The following TPO variants were observed in gnomAD, a reference collection of about 807,000 sequenced individuals.
TPO encodes the protein thyroid microsomal antigen.
A neutral mutation model predicts 96.9 loss-of-function variants in TPO; 78 were observed. The ratio of observed to expected loss-of-function variants is 0.81; its 90% CI spans 0.67 to 0.97. The LOEUF (loss-of-function observed/expected upper bound fraction) is 0.97, where lower values mean the gene tolerates loss of function less well. Ranked by LOEUF, TPO falls within the 50% of genes least tolerant of loss-of-function variation. The pLI, the probability that TPO is intolerant of heterozygous loss-of-function variation, is 0.00. For missense variants in TPO, 1,252 were observed against 1,274.8 expected, an observed-to-expected ratio of 0.98 and a Z score of 0.27; for synonymous variants, 547 against 538.0, an observed-to-expected ratio of 1.02 and a Z score of -0.23.
At chr2:1,483,675 C>A (rs572768464) in intron 8 of TPO, among the ~76,000 whole-genome samples, 1 of 152,178 alleles carries the variant, frequency 6.6e-6, no homozygotes, top group Non-Finnish European at 1.5e-5. Flanking sequence ...AGCACAGGGA[C>A]GGAAACCCCA....
At chr2:1,460,786 G>A (rs1229043062) in intron 7 of TPO, among the ~76,000 whole-genome samples, 3 of 152,154 alleles carry the variant, frequency 2.0e-5, no homozygotes, top group Non-Finnish European at 4.4e-5. Flanking sequence ...GCTGCACTGA[G>A]AGAACTACTC....
At chr2:1,408,015 G>T (rs941213367) in intron 1 of TPO, among the ~76,000 whole-genome samples, 1 of 152,202 alleles carries the variant, frequency 6.6e-6, no homozygotes, top group Admixed American at 6.5e-5. Context: ...CTACTAGAAG[G>T]CTCTTGAATG....
At chr2:1,437,836 G>T (rs1335048221) in intron 5 of TPO, among the ~76,000 whole-genome samples, 5 of 83,044 alleles carry the variant, frequency 6.0e-5, no homozygotes, top group African/African-American at 2.6e-4. Flanking sequence ...CCTGAAGCCT[G>T]GGGGGGGGTC....
intron 1 of TPO, among the ~76,000 whole-genome samples, chr2:1,394,838 G>A (rs1362243754): frequency 1.3e-5 from 2 of 152,154 alleles, no homozygotes; most frequent in African/African-American, 4.8e-5. Context: ...AGCCGCATTG[G>A]ATGGGCCATG....
At chr2:1,377,984 T>C (rs1048880478) in intron 1 of TPO, among the ~76,000 whole-genome samples, 1 of 152,114 alleles carries the variant, frequency 6.6e-6, no homozygotes, top group African/African-American at 2.4e-5. Flanking sequence ...TGGGGTGGTT[T>C]CCCCGATACT....
chr2:1,537,474 ATTCTTCCACTCTGTGCAGCC>A (rs1558441395), intron 15 of TPO, among the ~76,000 whole-genome samples: 47 of 116,518 alleles, frequency 4.0e-4, no homozygotes, highest in Middle Eastern at 4.4e-3. Flanking sequence ...ACCTCCTCAA[ATTCTTCCACTCTGTGCAGCC>A]TCCCCAAATC....
chr2:1,379,099 G>T (rs1573050163), intron 1 of TPO, among the ~76,000 whole-genome samples: 1 of 152,260 alleles, frequency 6.6e-6, no homozygotes, highest in African/African-American at 2.4e-5. Context: ...AAGGTCAGGA[G>T]CTCAAGATCA....
intron 15 of TPO, among the ~76,000 whole-genome samples, chr2:1,530,135 G>T (rs112916161): frequency 2.3e-5 from 1 of 43,972 alleles, no homozygotes; most frequent in Non-Finnish European, 3.9e-5. Flanking sequence ...GCGCAACCTC[G>T]CAAAATCTCC....
At chr2:1,537,995 C>T (rs1394277296) in intron 15 of TPO, among the ~76,000 whole-genome samples, 1 of 85,284 alleles carries the variant, frequency 1.2e-5, no homozygotes, top group Non-Finnish European at 2.1e-5. Context: ...CTCTGTGCAA[C>T]CCCCCCAAAT....
intron 9 of TPO, among the ~76,000 whole-genome samples, chr2:1,485,561 C>T (rs1338003748): frequency 6.6e-6 from 1 of 151,660 alleles, no homozygotes; most frequent in Non-Finnish European, 1.5e-5. Context: ...TCCTCTCCAG[C>T]ATCTATTGTT....
At position 1,496,631 on chromosome 2, in the gene TPO, G is replaced by T. The variant is rs756126143; in HGVS notation, c.2252G>T (p.Gly751Val). ...KCGFPESVEN[G>V]DFVHCEESGR... ...GGCTTCCCAGAGAGCGTGGAGAATG[G>T]GGACTTTGTGCACTGTGAGGAGTCT... The change falls in exon 13 of 17, where the codon GGG (glycine) becomes GTG (valine). Residue 751 changes from glycine (G) to valine (V), a missense_variant. By Grantham distance (109) the Gly-to-Val change is moderately radical. Coordinates refer to ENST00000329066, the MANE Select transcript of TPO (RefSeq NM_001206744.2). 2 of 1,613,744 alleles carry T rather than the reference G, an allele frequency of 1.2e-6. No individual in the cohort carries two copies. Among genetic ancestry groups the T allele is most frequent in the Non-Finnish European group, 1.7e-6 (2 of 1,179,976 alleles).
chr2:1,512,868 C>G (rs891400559), intron 14 of TPO, among the ~76,000 whole-genome samples: 9 of 152,210 alleles, frequency 5.9e-5, no homozygotes, highest in Non-Finnish European at 1.2e-4. Context: ...CTTCCCCCAC[C>G]ACCAGCACCC....
chr2:1,444,125 G>A, intron 5 of TPO, among the ~76,000 whole-genome samples: 2 of 140,106 alleles, frequency 1.4e-5, no homozygotes, highest in Admixed American at 7.1e-5. Flanking sequence ...TTGTTTGTAT[G>A]ATCCAGTCAC....
At position 1,493,401 on chromosome 2, in the gene TPO, T is replaced by A. The variant is rs2124919029; in HGVS notation, c.1769-401T>A. On this transcript the variant is annotated intron_variant, in intron 10 of 16. Coordinates refer to ENST00000329066, the MANE Select transcript of TPO (RefSeq NM_001206744.2). The stretch of plus-strand genomic sequence containing the variant: ...TCTCCAGCTCCTTTATGAACAAACC[T>A]GCAAAAAGAGCTCTGGCGTCCGAGC... 2.0e-5 allele frequency among the ~76,000 whole-genome samples: 3 copies of A among 152,180 alleles called. 1 individual carries two copies. The South Asian group carries it at 6.2e-4, about 32-fold the overall frequency.
intron 6 of TPO, among the ~76,000 whole-genome samples, chr2:1,455,052 C>G (rs1667661122): frequency 6.6e-6 from 1 of 152,150 alleles, no homozygotes; most frequent in African/African-American, 2.4e-5. Flanking sequence ...TCTGGAGGTG[C>G]CTGCATCCCC....
intron 11 of TPO, among the ~76,000 whole-genome samples, chr2:1,494,367 G>A (rs751897257): frequency 3.9e-5 from 6 of 152,326 alleles, no homozygotes; most frequent in East Asian, 1.9e-4. Context: ...CATCCCTCAC[G>A]TCCCATGACA....
intron 5 of TPO, 140 bp downstream of exon 5, chr2:1,436,524 G>T: frequency 7.5e-7 from 1 of 1,325,436 alleles, no homozygotes; most frequent in East Asian, 2.5e-5. Flanking sequence ...TGGCCTCCCC[G>T]ACATGGCCTC....
At chr2:1,422,331 G>GCCGCGCTGGACTGA in intron 2 of TPO, among the ~76,000 whole-genome samples, 1 of 135,020 alleles carries the variant, frequency 7.4e-6, no homozygotes, top group Non-Finnish European at 1.6e-5. Flanking sequence ...TCGTGCAGGC[G>GCCGCGCTGGACTGA]CCTCTCCTGG....
At chr2:1,534,254 C>T (rs990090052) in intron 15 of TPO, among the ~76,000 whole-genome samples, 5 of 120,704 alleles carry the variant, frequency 4.1e-5, no homozygotes, top group Middle Eastern at 5.0e-3. Flanking sequence ...TCACTCAGAG[C>T]AACCTTCTCA....
Sources: gnomAD v4.1 joint callset for allele counts (sites outside exome capture counted in the v4.1 genomes callset) on GRCh38, gnomAD v4.1.1 for gene constraint, MANE v1.5 for transcripts, NCBI Gene and HGNC (gene_info 2026-07-23, HGNC 2026-07-21) for gene names.